The following MYO16 variants were observed in gnomAD, a reference collection of about 807,000 sequenced individuals.
The protein encoded by MYO16 is myosin XVI.
Under a neutral mutation model 205.3 loss-of-function variants are expected in MYO16, and 94 were observed. The observed-to-expected ratio is 0.46, with a 90% CI of 0.39 to 0.54. The LOEUF (loss-of-function observed/expected upper bound fraction) is 0.54, where lower values mean the gene tolerates loss of function less well. MYO16 is among the 20% of genes least tolerant of loss of function. The pLI, the probability that MYO16 is intolerant of heterozygous loss-of-function variation, is 0.00. For synonymous variants in MYO16, 988 were observed against 954.0 expected (o/e 1.04, Z -0.66); for missense variants, 2,315 against 2,387.5 (o/e 0.97, Z 0.63).
At chr13:108,516,321 G>C in the MYO16 span, among the ~76,000 whole-genome samples, 1 of 151,692 alleles carries the variant, frequency 6.6e-6, no homozygotes, top group African/African-American at 2.4e-5. Flanking sequence ...GCAATGCCTC[G>C]CCCTGCTTCG....
chr13:108,760,477 T>A (rs1050893195), intron 4 of MYO16, among the ~76,000 whole-genome samples: 3 of 152,166 alleles, frequency 2.0e-5, no homozygotes, highest in Non-Finnish European at 4.4e-5. Flanking sequence ...CTTAGGGTTT[T>A]TTTTTTTATC....
chr13:108,609,358 G>A (rs1239538898), intron 1 of MYO16, among the ~76,000 whole-genome samples: 1 of 152,154 alleles, frequency 6.6e-6, no homozygotes, highest in Admixed American at 6.5e-5. Flanking sequence ...GGGCCACCAC[G>A]GTTCCTTAAC....
intron 33 of MYO16, among the ~76,000 whole-genome samples, chr13:109,168,372 A>T (rs1878779953): frequency 6.6e-6 from 1 of 152,146 alleles, no homozygotes; most frequent in African/African-American, 2.4e-5. Flanking sequence ...AGAAAAAGAT[A>T]CAATGTGCAA....
chr13:108,877,757 C>T (rs1407587001), intron 12 of MYO16, among the ~76,000 whole-genome samples: 1 of 152,130 alleles, frequency 6.6e-6, no homozygotes, highest in Admixed American at 6.5e-5. Flanking sequence ...TGATTACATG[C>T]ACAGCTTATA....
intron 15 of MYO16, among the ~76,000 whole-genome samples, chr13:108,909,354 G>A (rs1881153667): frequency 9.0e-6 from 1 of 111,672 alleles, no homozygotes; most frequent in South Asian, 2.5e-4. Context: ...GCACATGTGT[G>A]GTGAGAATAA....
the MYO16 span, among the ~76,000 whole-genome samples, chr13:108,542,203 C>G: frequency 1.3e-5 from 2 of 152,018 alleles, no homozygotes; most frequent in Non-Finnish European, 1.5e-5. Context: ...TCATCCTTAA[C>G]AAACTAACAC....
the MYO16 span, among the ~76,000 whole-genome samples, chr13:108,539,147 T>C: frequency 6.6e-6 from 1 of 152,166 alleles, no homozygotes; most frequent in Non-Finnish European, 1.5e-5. Context: ...TCATGTCCTG[T>C]ACCTGAGTTA....
At chr13:108,639,376 T>C (rs1880400637) in intron 1 of MYO16, among the ~76,000 whole-genome samples, 1 of 152,164 alleles carries the variant, frequency 6.6e-6, no homozygotes, top group South Asian at 2.1e-4. Context: ...GTAGGGTAAT[T>C]ATTTCATCTC....
intron 9 of MYO16, among the ~76,000 whole-genome samples, chr13:108,831,563 A>C (rs1283040880): frequency 6.6e-6 from 1 of 152,160 alleles, no homozygotes; most frequent in Non-Finnish European, 1.5e-5. Context: ...CCCAGGCTGG[A>C]GTGCCATGGC....
At chr13:108,817,453 G>A (rs563944776) in intron 7 of MYO16, among the ~76,000 whole-genome samples, 1 of 152,274 alleles carries the variant, frequency 6.6e-6, no homozygotes, top group South Asian at 2.1e-4. Flanking sequence ...TTTAAGAATA[G>A]ACAAAACTAA....
chr13:108,737,242 T>A (rs1236192370), intron 4 of MYO16, among the ~76,000 whole-genome samples: 1 of 152,218 alleles, frequency 6.6e-6, no homozygotes, highest in Non-Finnish European at 1.5e-5. Flanking sequence ...GCTTCTAGTT[T>A]TTGCCCATTC....
chr13:109,141,028 C>G lies in MYO16; in HGVS notation c.4816C>G (p.Pro1606Ala). ...GCCCCCGCCCCCGCCCGGGCCGCCC[C>G]CCGCGCCCTACAGGCCCTGCGCGCA... ...PPPPPPPGPP[P>A]APYRPCAHLA... Residue 1606 changes from proline to alanine, a missense_variant, in exon 32 of 35, where the codon CCC (proline) becomes GCC (alanine). Physicochemically the swap from Pro to Ala is conservative, Grantham distance 27. This residue lies in a region of MYO16 where 1,097 missense variants were observed against 1,092.0 expected (regional missense o/e 1.00). Transcript: ENST00000457511. The surrounding 1 kb of genome is among the most constrained non-coding windows in gnomAD (Gnocchi z 4.1). 1 of 1,330,544 alleles carries G rather than the reference C, an allele frequency of 7.5e-7. No homozygotes were observed. Among genetic ancestry groups the G allele is most frequent in the East Asian group, 3.1e-5 (1 of 32,502 alleles). The allele number at this position is 1,330,544 out of a possible 1,614,324, so 82.4% of individuals were successfully genotyped here.
At chr13:108,649,392 A>G (rs1043597656) in intron 1 of MYO16, among the ~76,000 whole-genome samples, 7 of 152,122 alleles carry the variant, frequency 4.6e-5, no homozygotes, top group Non-Finnish European at 8.8e-5. Context: ...GACTTGGACA[A>G]TGTTTCTACT....
At chr13:108,742,339 G>A (rs1440987101) in intron 4 of MYO16, among the ~76,000 whole-genome samples, 1 of 152,088 alleles carries the variant, frequency 6.6e-6, no homozygotes, top group Non-Finnish European at 1.5e-5. Context: ...GAGGTTGGCA[G>A]TGGTGTGAAA....
chr13:108,892,723 A>G (rs1880230470), intron 14 of MYO16, among the ~76,000 whole-genome samples: 1 of 152,242 alleles, frequency 6.6e-6, no homozygotes, highest in Non-Finnish European at 1.5e-5. Context: ...CTTACTCATA[A>G]TGAAAAGGAA....
rs967060368 is a variant in MYO16 at position 109,205,052 on chromosome 13, A to T, written c.5416-1557A>T. Among the ~76,000 whole-genome samples, 16 of 23,620 alleles carry T rather than the reference A, an allele frequency of 6.8e-4. No individual in the cohort carries two copies. In the African/African-American group the frequency reaches 0.015, roughly 22 times the overall value. 15.5% of individuals were successfully genotyped at this position (23,620 alleles called of 152,430 possible). A position where few individuals can be genotyped will look rare whatever the true frequency, so the allele number is the denominator to read the frequency against. On this transcript the variant is annotated intron_variant, in intron 34 of 34. Coordinates refer to ENST00000457511, the MANE Select transcript of MYO16 (RefSeq NM_001198950.3). ...CATTCTGATGCAGCCCTAAAGAATA[A>T]AAAAAAAATACCCTTTTAAGAGGCC...
At chr13:108,651,444 T>C (rs553840061) in intron 1 of MYO16, among the ~76,000 whole-genome samples, 1 of 152,344 alleles carries the variant, frequency 6.6e-6, no homozygotes, top group South Asian at 2.1e-4. Flanking sequence ...AAATCACTTG[T>C]TGTTTACGAA....
chr13:109,174,934 T>C (rs991779970), intron 33 of MYO16, among the ~76,000 whole-genome samples: 4 of 151,648 alleles, frequency 2.6e-5, no homozygotes, highest in Non-Finnish European at 5.9e-5. Flanking sequence ...TTTTTTTTAG[T>C]AGAGGCAGGG....
At chr13:108,836,738 C>T (rs1302467254) in intron 9 of MYO16, among the ~76,000 whole-genome samples, 1 of 152,108 alleles carries the variant, frequency 6.6e-6, no homozygotes, top group African/African-American at 2.4e-5. Context: ...TAATGACTGC[C>T]CTGTTGTATT....
Sources: gnomAD v4.1 joint callset for allele counts (sites outside exome capture counted in the v4.1 genomes callset) on GRCh38, gnomAD v4.1.1 for gene constraint, gnomAD v4.1.1 regional missense constraint, Gnocchi (gnomAD v3.1) non-coding constraint, MANE v1.5 for transcripts, NCBI Gene and HGNC (gene_info 2026-07-23, HGNC 2026-07-21) for gene names.